The following HDAC9 variants were observed in gnomAD, a reference collection of about 807,000 sequenced individuals.
HDAC9 encodes histone deacetylase 9, also known as MEF-2 interacting transcription repressor (MITR) protein.
A neutral mutation model predicts 139.4 loss-of-function variants in HDAC9; 41 were observed. That is an observed-to-expected ratio of 0.29 (90% CI 0.23 to 0.38). HDAC9 has a LOEUF of 0.38. Among genes scored for constraint, HDAC9 ranks in the 10% least tolerant of loss-of-function variants. The pLI, the probability that HDAC9 is intolerant of heterozygous loss-of-function variation, is 1.00. For synonymous variants in HDAC9, 517 were observed against 476.2 expected, an observed-to-expected ratio of 1.09 and a Z score of -1.12; for missense variants, 1,147 against 1,297.0, an observed-to-expected ratio of 0.88 and a Z score of 1.78.
chr7:18,684,406 A>G (rs1012060612), intron 12 of HDAC9, among the ~76,000 whole-genome samples: 12 of 151,912 alleles, frequency 7.9e-5, no homozygotes, highest in Non-Finnish European at 2.9e-5. Flanking sequence ...TTGGGAGGAC[A>G]AGGTGGGCAG....
rs1483006756 is a variant in HDAC9, at chr7:18,531,801, A to G, written c.22+35477A>G. ...ACCACACTTCTACTGTTGGAGTTCTATTGAACTCCATTTCAATGCAAACAA... is the reference window on the plus strand; with the variant it reads ...ACCACACTTCTACTGTTGGAGTTCTGTTGAACTCCATTTCAATGCAAACAA... On this transcript the variant is annotated intron_variant, in intron 2 of 25. Transcript: ENST00000686413. Among the ~76,000 whole-genome samples, 5 of 152,124 alleles carry G rather than the reference A, an allele frequency of 3.3e-5. 1 individual carries two copies. The highest frequency in any genetic ancestry group is 5.9e-5 in the Non-Finnish European group (4 of 68,028).
At chr7:18,984,917 A>T (rs893732157) in intron 25 of HDAC9, among the ~76,000 whole-genome samples, 2 of 152,048 alleles carry the variant, frequency 1.3e-5, no homozygotes, top group African/African-American at 4.8e-5. Flanking sequence ...GTGTGTGTGT[A>T]TACATATGTT....
intron 6 of HDAC9, among the ~76,000 whole-genome samples, chr7:18,620,726 C>T (rs1839987504): frequency 6.6e-6 from 1 of 152,026 alleles, no homozygotes; most frequent in African/African-American, 2.4e-5. Flanking sequence ...AAATGCCCAC[C>T]TTTCCCCTTC....
intron 1 of HDAC9, among the ~76,000 whole-genome samples, chr7:18,458,398 A>G (rs969471979): frequency 7.9e-5 from 12 of 152,156 alleles, no homozygotes; most frequent in Non-Finnish European, 1.5e-4. Context: ...CCCTCTAATT[A>G]TGTGACCTCC....
At chr7:18,252,687 A>C (rs770104237) in intron 2 of HDAC9, among the ~76,000 whole-genome samples, 9 of 151,602 alleles carry the variant, frequency 5.9e-5, no homozygotes, top group Non-Finnish European at 1.0e-4. Flanking sequence ...GCTAGTAATA[A>C]CTAGGGAATC....
At chr7:18,741,264 A>G (rs1017591110) in intron 13 of HDAC9, among the ~76,000 whole-genome samples, 13 of 152,248 alleles carry the variant, frequency 8.5e-5, no homozygotes, top group Non-Finnish European at 1.8e-4. Flanking sequence ...GACTGGCTTC[A>G]AAGAATAAGC....
rs75031969 is a variant in HDAC9 at position 18,994,924 on chromosome 7, C to T, written c.3171-1099C>T. On this transcript the variant is annotated intron_variant, in intron 25 of 25. Coordinates refer to ENST00000686413, the MANE Select transcript of HDAC9 (RefSeq NM_178425.4). The stretch of plus-strand genomic sequence containing the variant: ...AATGAAAACCACCCCTCTATTATTC[C>T]GCTACCTAGAGAGAAGCATCATCCA... Among the ~76,000 whole-genome samples the T allele has an allele frequency of 9.8e-3, 1,495 of 152,264 alleles. 28 individuals are homozygous for T. Among genetic ancestry groups the T allele is most frequent in the African/African-American group, 0.034 (1,426 of 41,552 alleles).
intron 12 of HDAC9, among the ~76,000 whole-genome samples, chr7:18,706,927 A>C (rs1205438410): frequency 6.6e-6 from 1 of 152,198 alleles, no homozygotes; most frequent in African/African-American, 2.4e-5. Flanking sequence ...ATCCAAGTGT[A>C]TGGCTGAGAG....
intron 22 of HDAC9, among the ~76,000 whole-genome samples, chr7:18,901,206 A>G (rs939636787): frequency 7.5e-6 from 1 of 133,838 alleles, no homozygotes; most frequent in Non-Finnish European, 1.5e-5. Flanking sequence ...TACTATATAT[A>G]CATATATATA....
rs904196836 is a variant in HDAC9, at chr7:18,593,794, A to G, written c.543-114A>G. 7 of 1,083,086 alleles carry G rather than the reference A, an allele frequency of 6.5e-6. No individual in the cohort carries two copies. The African/African-American group carries it at 1.1e-4, about 17-fold the overall frequency. 67.1% of individuals were successfully genotyped at this position (1,083,086 alleles called of 1,614,324 possible). ...AGGCTATGGTTTGTATACACTAAGGAGAAAGAGCATAAACATAGCTGAGGC... is the reference window on the plus strand; with the variant it reads ...AGGCTATGGTTTGTATACACTAAGGGGAAAGAGCATAAACATAGCTGAGGC... On this transcript the variant is annotated intron_variant, in intron 5 of 25. Transcript: ENST00000686413.
chr7:18,399,551 T>C (rs1011989422), intron 1 of HDAC9, among the ~76,000 whole-genome samples: 3 of 152,168 alleles, frequency 2.0e-5, no homozygotes, highest in South Asian at 2.1e-4. Flanking sequence ...CTCATAGTAA[T>C]AGGCTAAATG....
chr7:18,305,271 C>T (rs1040897767), intron 1 of HDAC9, among the ~76,000 whole-genome samples: 2 of 152,170 alleles, frequency 1.3e-5, no homozygotes, highest in Admixed American at 1.3e-4. Context: ...ATCGTATACC[C>T]TCCACCAACC....
At chr7:18,243,292 T>C (rs1794313247) in intron 2 of HDAC9, among the ~76,000 whole-genome samples, 2 of 152,240 alleles carry the variant, frequency 1.3e-5, no homozygotes, top group African/African-American at 4.8e-5. Flanking sequence ...CTTGACTTCC[T>C]TTTCTTTGGT....
upstream of HDAC9, among the ~76,000 whole-genome samples, chr7:18,287,467 T>C (rs1344474645): frequency 2.0e-5 from 3 of 152,224 alleles, no homozygotes; most frequent in Admixed American, 6.5e-5. Context: ...CATGTTAGCC[T>C]GAAGACAAAC....
chr7:18,134,272 C>A (rs2128104254), intron 1 of HDAC9, among the ~76,000 whole-genome samples: 1 of 152,152 alleles, frequency 6.6e-6, no homozygotes, highest in Non-Finnish European at 1.5e-5. Flanking sequence ...TGCTTTATTC[C>A]TAATTCTGCT....
At chr7:18,701,942 CA>C (rs1783523214) in intron 12 of HDAC9, among the ~76,000 whole-genome samples, 1 of 152,210 alleles carries the variant, frequency 6.6e-6, no homozygotes, top group African/African-American at 2.4e-5. Flanking sequence ...ATAGGGATGA[CA>C]TAGAGTCAAA....
chr7:18,273,379 A>G lies in HDAC9; in HGVS notation c.25+111030A>G, dbSNP rs1201328548. On this transcript the variant is annotated intron_variant, in intron 2 of 12. Transcript: ENST00000417496. The stretch of plus-strand genomic sequence containing the variant: ...CCACTGCAGCCAGCCTAGACTTCTT[A>G]TAAAGCCATAAGGTATATTGTGTAT... Among the ~76,000 whole-genome samples the G allele has an allele frequency of 2.6e-5, 4 of 152,026 alleles. No individual in the cohort carries two copies. In the East Asian group the frequency reaches 5.8e-4, roughly 22 times the overall value.
chr7:18,320,948 G>C (rs1397998570), intron 1 of HDAC9, among the ~76,000 whole-genome samples: 5 of 152,196 alleles, frequency 3.3e-5, no homozygotes, highest in Admixed American at 6.5e-5. Flanking sequence ...TAGAGGAAGA[G>C]AGAAGAGAGA....
At chr7:18,736,732 G>C (rs1267160394) in intron 13 of HDAC9, among the ~76,000 whole-genome samples, 1 of 152,150 alleles carries the variant, frequency 6.6e-6, no homozygotes, top group Non-Finnish European at 1.5e-5. Context: ...TTGGTATCAG[G>C]ATGAAGCTGG....
Sources: allele counts gnomAD v4.1 joint callset (sites outside exome capture counted in the v4.1 genomes callset), GRCh38; gene constraint gnomAD v4.1.1; transcripts MANE v1.5; gene names NCBI Gene and HGNC (gene_info 2026-07-23, HGNC 2026-07-21).